The following CNTNAP2 variants were observed in gnomAD, a reference collection of about 807,000 sequenced individuals.
The protein encoded by CNTNAP2 is contactin-associated protein-like 2.
Under a neutral mutation model 155.2 loss-of-function variants are expected in CNTNAP2, and 98 were observed. The observed-to-expected ratio is 0.63, with a 90% confidence interval of 0.54 to 0.75. The LOEUF (loss-of-function observed/expected upper bound fraction) is 0.75. CNTNAP2 is among the 30% of genes least tolerant of loss of function. The pLI, the probability that CNTNAP2 is intolerant of heterozygous loss-of-function variation, is 0.00. For missense variants in CNTNAP2, 1,727 were observed against 1,688.1 expected, an observed-to-expected ratio of 1.02 and a Z score of -0.40; for synonymous variants, 651 against 631.2, an observed-to-expected ratio of 1.03 and a Z score of -0.47.
chr7:147,121,899 C>G (rs537652753), intron 6 of CNTNAP2: 1 of 152,018 alleles, frequency 6.6e-6, no homozygotes, highest in Non-Finnish European at 1.5e-5. Context: ...GTTTGTCAGC[C>G]GGGCGTGGTG....
intron 2 of CNTNAP2, among the ~76,000 whole-genome samples, chr7:146,812,772 G>C (rs998131522): frequency 6.6e-6 from 1 of 152,198 alleles, no homozygotes; most frequent in African/African-American, 2.4e-5. Context: ...CTTCATGGCA[G>C]TGCCTCCCAT....
At chr7:146,580,472 TAAA>T (rs71165016) in intron 1 of CNTNAP2, among the ~76,000 whole-genome samples, 15 of 146,686 alleles carry the variant, frequency 1.0e-4, no homozygotes, top group African/African-American at 7.5e-5. Flanking sequence ...TATCCCCAAT[TAAA>T]AAAAAAAAAA....
At chr7:147,504,473 G>A (rs141602470) in intron 11 of CNTNAP2, among the ~76,000 whole-genome samples, 35 of 151,996 alleles carry the variant, frequency 2.3e-4, no homozygotes, top group African/African-American at 8.2e-4. Flanking sequence ...AGGATCACTT[G>A]AGCCCAGGAC....
At chr7:146,977,012 G>A (rs1797924563) in intron 3 of CNTNAP2, among the ~76,000 whole-genome samples, 1 of 152,110 alleles carries the variant, frequency 6.6e-6, no homozygotes, top group Admixed American at 6.6e-5. Context: ...GTGGATAAAA[G>A]GAAGGGAGGA....
At chr7:147,805,863 G>C (rs973205573) in intron 13 of CNTNAP2, among the ~76,000 whole-genome samples, 1 of 152,152 alleles carries the variant, frequency 6.6e-6, no homozygotes, top group Non-Finnish European at 1.5e-5. Flanking sequence ...AATGGATTGA[G>C]GGCTTCAATG....
At chr7:146,744,064 T>TA (rs1236057088) in intron 1 of CNTNAP2, among the ~76,000 whole-genome samples, 3 of 151,444 alleles carry the variant, frequency 2.0e-5, no homozygotes, top group Non-Finnish European at 3.0e-5. Context: ...CTGTCGCTAC[T>TA]AAAAAATACA....
At chr7:146,931,930 T>C (rs989973591) in intron 3 of CNTNAP2, among the ~76,000 whole-genome samples, 7 of 152,024 alleles carry the variant, frequency 4.6e-5, no homozygotes, top group Non-Finnish European at 1.0e-4. Flanking sequence ...GGCTCTGAAA[T>C]TGTGGCAATA....
intron 1 of CNTNAP2, among the ~76,000 whole-genome samples, chr7:146,504,251 A>T (rs553542729): frequency 6.0e-4 from 91 of 151,548 alleles, no homozygotes; most frequent in African/African-American, 2.1e-3. Context: ...GGGAGCAACA[A>T]CTCACTACTA....
chr7:146,446,364 A>G (rs1796402277), intron 1 of CNTNAP2, among the ~76,000 whole-genome samples: 1 of 152,088 alleles, frequency 6.6e-6, no homozygotes, highest in South Asian at 2.1e-4. Context: ...AATTATCTAG[A>G]GAAATCTTCT....
At chr7:147,913,449 C>T (rs1174685506) in intron 14 of CNTNAP2, among the ~76,000 whole-genome samples, 2 of 152,108 alleles carry the variant, frequency 1.3e-5, no homozygotes, top group African/African-American at 4.8e-5. Context: ...TGCTTCCATT[C>T]CACCTGCTCC....
chr7:146,415,641 C>CTT (rs34577774), intron 1 of CNTNAP2, among the ~76,000 whole-genome samples: 81,249 of 151,718 alleles, frequency 0.54, 25,466 homozygotes, highest in African/African-American at 0.87. Context: ...AATTAAGACA[C>CTT]TCCACTTTTG....
At chr7:146,725,027 C>A (rs576656603) in intron 1 of CNTNAP2, among the ~76,000 whole-genome samples, 122 of 152,210 alleles carry the variant, frequency 8.0e-4, no homozygotes, top group Non-Finnish European at 1.4e-3. Context: ...TCTGGAGGTT[C>A]TGAGTGACTC....
At chr7:148,235,709 C>T (rs1362215578) in intron 20 of CNTNAP2, among the ~76,000 whole-genome samples, 3 of 88,820 alleles carry the variant, frequency 3.4e-5, no homozygotes, top group Admixed American at 1.7e-4. Context: ...TTTTTTGAGA[C>T]GGAGTCTTGC....
chr7:146,369,364 C>A (rs1795201198), intron 1 of CNTNAP2, among the ~76,000 whole-genome samples: 1 of 152,132 alleles, frequency 6.6e-6, no homozygotes, highest in African/African-American at 2.4e-5. Context: ...TACAATAATT[C>A]AAGTTGCAAG....
In CNTNAP2 at chr7:146,196,490, T is replaced by C. The variant is rs1019661750; in HGVS notation, c.97+79517T>C. Among the ~76,000 whole-genome samples the C allele has an allele frequency of 3.3e-5, 5 of 151,778 alleles. No individual in the cohort carries two copies. In the South Asian group the frequency reaches 1.0e-3, roughly 32 times the overall value. On this transcript the variant is annotated intron_variant, in intron 1 of 23. Transcript: ENST00000361727. ...AGATCCCAAAATGTTTTGTTGATTG[T>C]CATCATTTAAGGTAAGCCCAAGACT...
chr7:146,213,410 C>T (rs1223148615), intron 1 of CNTNAP2, among the ~76,000 whole-genome samples: 2 of 152,096 alleles, frequency 1.3e-5, no homozygotes, highest in African/African-American at 2.4e-5. Context: ...AATTGTAAAA[C>T]CTACTTTACT....
intron 21 of CNTNAP2, among the ~76,000 whole-genome samples, chr7:148,322,891 C>G (rs904745369): frequency 6.8e-6 from 1 of 146,756 alleles, no homozygotes; most frequent in Non-Finnish European, 1.5e-5. Flanking sequence ...TTTCTAAAAT[C>G]TATCCATCCT....
chr7:147,345,812 T>G (rs1266336793), intron 9 of CNTNAP2, among the ~76,000 whole-genome samples: 1 of 152,202 alleles, frequency 6.6e-6, no homozygotes, highest in Non-Finnish European at 1.5e-5. Context: ...AATTTATCAC[T>G]GTATTTCCAT....
At chr7:147,873,487 C>T (rs754861910) in intron 13 of CNTNAP2, among the ~76,000 whole-genome samples, 1 of 152,146 alleles carries the variant, frequency 6.6e-6, no homozygotes, top group Admixed American at 6.5e-5. Flanking sequence ...TTTATAAAAC[C>T]AGCCAATCTT....
Sources: allele counts gnomAD v4.1 joint callset (sites outside exome capture counted in the v4.1 genomes callset), GRCh38; gene constraint gnomAD v4.1.1; transcripts MANE v1.5; gene names NCBI Gene and HGNC (gene_info 2026-07-23, HGNC 2026-07-21).